Variants in TOR1AIP2 observed in about 807,000 individuals in gnomAD.
The protein encoded by TOR1AIP2 is torsin-1A-interacting protein 2.
TOR1AIP2 carries 20 observed loss-of-function variants against 32.6 expected under a neutral mutation model. That is an observed-to-expected ratio of 0.61 (90% CI 0.43 to 0.89). The LOEUF is 0.89. Ranked by LOEUF, TOR1AIP2 falls within the 40% of genes least tolerant of loss-of-function variation. The pLI is 0.00. For synonymous variants in TOR1AIP2, 214 were observed against 210.8 expected (o/e 1.02, Z -0.13); for missense variants, 456 against 553.8 (o/e 0.82, Z 1.77).
intron 3 of TOR1AIP2, chr1:179,860,381 C>T: frequency 1.2e-6 from 1 of 839,090 alleles, no homozygotes; most frequent in Non-Finnish European, 1.4e-6. Flanking sequence ...ACTTAGGGGG[C>T]TGAAGTGGGA....
chr1:179,856,921 G>A (rs758647201), intron 3 of TOR1AIP2, among the ~76,000 whole-genome samples: 4 of 152,176 alleles, frequency 2.6e-5, no homozygotes, highest in Non-Finnish European at 4.4e-5. Flanking sequence ...AGCCAAGCAG[G>A]TCAATCTTTT....
chr1:179,868,489 G>C (rs1299244717), intron 2 of TOR1AIP2: 3 of 151,980 alleles, frequency 2.0e-5, no homozygotes, highest in Non-Finnish European at 4.4e-5. Flanking sequence ...TTTGGAATTG[G>C]CATTACCTAG....
In TOR1AIP2 at chr1:179,868,314, A is replaced by G. The variant is rs1277692313; in HGVS notation, c.-565-2460T>C. ...TTTTGCTATATTATTTATTTTGGCTATTTTTCTCCACTAAAATATAAACTC... is the reference window on the plus strand; with the variant it reads ...TTTTGCTATATTATTTATTTTGGCTGTTTTTCTCCACTAAAATATAAACTC... On this transcript the variant is annotated intron_variant, in intron 2 of 6. Coordinates refer to ENST00000609928, the MANE Select transcript of TOR1AIP2 (RefSeq NM_001199260.2). The G allele has an allele frequency of 3.9e-5, 6 of 152,036 alleles. No homozygotes were observed. The East Asian group carries it at 1.2e-3, about 29-fold the overall frequency. 9.4% of individuals were successfully genotyped at this position (152,036 alleles called of 1,614,324 possible).
At position 179,841,006 on chromosome 1, in the gene TOR1AIP2, G is replaced by T. The variant is rs1695703478; in HGVS notation, c.*5065C>A. ...AGGCAAATTTAGGCCCACATCATTA[G>T]GTATTTCACAACTTAACACCTAAAA... On this transcript the variant is annotated 3_prime_UTR_variant, in exon 7 of 7. Transcript: ENST00000609928. 3 of 151,778 alleles carry T rather than the reference G, an allele frequency of 2.0e-5. No individual in the cohort carries two copies. 9.4% of individuals were successfully genotyped at this position (151,778 alleles called of 1,614,324 possible).
At position 179,845,980 on chromosome 1, in the gene TOR1AIP2, A is replaced by G. The variant is rs35171364; in HGVS notation, c.*91T>C. On this transcript the variant is annotated 3_prime_UTR_variant, in exon 7 of 7. Coordinates refer to ENST00000609928, the MANE Select transcript of TOR1AIP2 (RefSeq NM_001199260.2). Reference sequence around the variant, plus strand: ...GTTTTTCAGGCTATTTCCTCAAGCTATTTTATCAACCTCCTTCCATATAAA... The same window carrying G: ...GTTTTTCAGGCTATTTCCTCAAGCTGTTTTATCAACCTCCTTCCATATAAA... 3,889 of 1,200,764 alleles carry G rather than the reference A, an allele frequency of 3.2e-3. 6 individuals are homozygous for G. The highest frequency in any genetic ancestry group is 4.2e-3 in the Non-Finnish European group (3,579 of 860,472). 74.4% of individuals were successfully genotyped at this position (1,200,764 alleles called of 1,614,324 possible).
At chr1:179,851,769 A>G (rs1301040850) in intron 4 of TOR1AIP2, among the ~76,000 whole-genome samples, 1 of 152,208 alleles carries the variant, frequency 6.6e-6, no homozygotes, top group Non-Finnish European at 1.5e-5. Context: ...GGGAAACCCA[A>G]ACAGATATCA....
At chr1:179,852,237 G>A (rs1247302404) in intron 4 of TOR1AIP2, among the ~76,000 whole-genome samples, 2 of 150,866 alleles carry the variant, frequency 1.3e-5, no homozygotes, top group African/African-American at 2.4e-5. Flanking sequence ...CTGAGATCAC[G>A]CCACTGCACT....
intron 3 of TOR1AIP2, among the ~76,000 whole-genome samples, chr1:179,856,288 T>C (rs980812079): frequency 1.3e-5 from 2 of 152,238 alleles, no homozygotes; most frequent in African/African-American, 2.4e-5. Flanking sequence ...ATAAACCTTA[T>C]TGCAAACAAA....
chr1:179,865,894 A>G (rs905949923), intron 2 of TOR1AIP2, 40 bp from the exon 3 acceptor site: 2 of 152,762 alleles, frequency 1.3e-5, no homozygotes, highest in Non-Finnish European at 2.9e-5. Flanking sequence ...TGGGTTTTGC[A>G]GTTGTTCACA....
intron 5 of TOR1AIP2, among the ~76,000 whole-genome samples, chr1:179,848,792 A>C (rs1015941974): frequency 6.6e-6 from 1 of 152,194 alleles, no homozygotes; most frequent in Admixed American, 6.5e-5. Context: ...ACCTATCATG[A>C]AAAAAGGTCC....
Position 179,844,421 on chromosome 1 carries a change from C to A in TOR1AIP2, c.*1650G>T, listed in dbSNP as rs1695824500. 6.6e-6 allele frequency: 1 copy of A among 152,174 alleles called. No individual in the cohort carries two copies. The highest frequency in any genetic ancestry group is 1.5e-5 in the Non-Finnish European group (1 of 68,040). 9.4% of individuals were successfully genotyped at this position (152,174 alleles called of 1,614,324 possible). On this transcript the variant is annotated 3_prime_UTR_variant, in exon 7 of 7. Coordinates refer to ENST00000609928, the MANE Select transcript of TOR1AIP2 (RefSeq NM_001199260.2). ...AAAATCTTTCCATACTTTAATCAGA[C>A]TTCTTAGCTATATACATATGATCTC...
intron 3 of TOR1AIP2, chr1:179,864,525 C>CA (rs1696687770): frequency 8.5e-7 from 1 of 1,183,106 alleles, no homozygotes; most frequent in Admixed American, 4.2e-5. Flanking sequence ...AGTTCCAAAA[C>CA]AGTTTATAGG....
chr1:179,859,272 C>T (rs751716797), intron 3 of TOR1AIP2: 1 of 839,364 alleles, frequency 1.2e-6, no homozygotes, highest in Non-Finnish European at 1.4e-6. Flanking sequence ...ATCTTCACAA[C>T]AATCTTATGA....
At chr1:179,858,407 G>T (rs1413088871) in intron 3 of TOR1AIP2, among the ~76,000 whole-genome samples, 2 of 151,924 alleles carry the variant, frequency 1.3e-5, no homozygotes, top group African/African-American at 4.8e-5. Flanking sequence ...AAGAGAGGGT[G>T]TCAACTGTAC....
At chr1:179,855,854 G>A (rs975680797) in intron 3 of TOR1AIP2, among the ~76,000 whole-genome samples, 2 of 152,092 alleles carry the variant, frequency 1.3e-5, no homozygotes, top group Non-Finnish European at 2.9e-5. Context: ...AATAAATTAG[G>A]TTATCTTTAA....
At chr1:179,867,062 T>A (rs1239655928) in intron 2 of TOR1AIP2, among the ~76,000 whole-genome samples, 4 of 152,198 alleles carry the variant, frequency 2.6e-5, no homozygotes, top group Non-Finnish European at 5.9e-5. Flanking sequence ...AGATCTGGCC[T>A]GAAAAATAGA....
In TOR1AIP2 at chr1:179,850,990, AG is replaced by A; in HGVS notation, c.407del (p.Ser136LeufsTer42). The A allele has an allele frequency of 6.2e-7, 1 of 1,614,212 alleles. No individual in the cohort carries two copies. The highest frequency in any genetic ancestry group is 8.5e-7 in the Non-Finnish European group (1 of 1,180,012). On this transcript the variant is annotated frameshift_variant, in exon 5 of 7. Transcript: ENST00000609928. LOFTEE classifies it high-confidence loss of function. ...GRADAHLGSS[S>X]VALPKEASDG... ...CACTCGCTTCCTTAGGGAGGGCCAC[AG>A]AGCTGCTCCCTAAGTGTGCATCTGC...
At chr1:179,864,403 G>A (rs1057514334) in intron 3 of TOR1AIP2, 17 of 993,998 alleles carry the variant, frequency 1.7e-5, no homozygotes, top group Middle Eastern at 5.1e-4. Flanking sequence ...TCCCACAAAA[G>A]TTATCATTAG....
chr1:179,849,583 AT>A (rs957382350), intron 5 of TOR1AIP2, among the ~76,000 whole-genome samples: 37 of 151,726 alleles, frequency 2.4e-4, no homozygotes, highest in South Asian at 1.5e-3. Context: ...CTAACAGTGA[AT>A]TTTTTTTTAA....
Sources: allele counts gnomAD v4.1 joint callset (sites outside exome capture counted in the v4.1 genomes callset), GRCh38; gene constraint gnomAD v4.1.1; transcripts MANE v1.5; gene names NCBI Gene and HGNC (gene_info 2026-07-23, HGNC 2026-07-21).